The following TSHZ3 variants were observed in gnomAD, a reference collection of about 807,000 sequenced individuals.
TSHZ3 encodes the protein teashirt zinc finger homeobox 3, also known as teashirt homolog 3.
TSHZ3 carries 10 observed loss-of-function variants against 64.5 expected under a neutral mutation model. The ratio of observed to expected loss-of-function variants is 0.16; its 90% CI spans 0.10 to 0.26. The LOEUF is 0.26. Ranked by LOEUF, TSHZ3 falls within the 10% of genes least tolerant of loss-of-function variation. TSHZ3 has a pLI of 1.00. For missense variants in TSHZ3, 1,242 were observed against 1,421.7 expected, an observed-to-expected ratio of 0.87 and a Z score of 2.03; for synonymous variants, 608 against 593.1, an observed-to-expected ratio of 1.03 and a Z score of -0.36.
At chr19:31,154,423 G>A (rs1018468776) in intron 6 of TSHZ3, among the ~76,000 whole-genome samples, 3 of 152,114 alleles carry the variant, frequency 2.0e-5, no homozygotes, top group Non-Finnish European at 4.4e-5. Context: ...TCCAAGCCAG[G>A]ACATCTGTCC....
chr19:31,235,492 C>G (rs1344764101), intron 3 of TSHZ3, among the ~76,000 whole-genome samples: 4 of 152,014 alleles, frequency 2.6e-5, no homozygotes, highest in African/African-American at 9.7e-5. Context: ...ATAATGTGCT[C>G]CAGGTTCATC....
intron 1 of TSHZ3, among the ~76,000 whole-genome samples, chr19:31,303,147 C>T (rs1188203918): frequency 1.3e-5 from 2 of 152,266 alleles, no homozygotes; most frequent in East Asian, 3.9e-4. Flanking sequence ...ATATACTGGG[C>T]AAAGGTGGCC....
chr19:31,268,296 G>C (rs1041543583), intron 1 of TSHZ3, among the ~76,000 whole-genome samples: 1 of 152,042 alleles, frequency 6.6e-6, no homozygotes, highest in Non-Finnish European at 1.5e-5. Context: ...TTCTCCCTGG[G>C]ACCACCCACT....
rs560994913 is a variant in TSHZ3 at position 31,281,883 on chromosome 19, A to G, written c.41-2131T>C. ...GAGGAAGAACAGCCGAGGTAGAATA[A>G]CCAAGTGTCCCAATTTGCCTGGAGC... On this transcript the variant is annotated intron_variant, in intron 1 of 1. Coordinates refer to ENST00000240587, the MANE Select transcript of TSHZ3 (RefSeq NM_020856.4). 4.6e-5 allele frequency among the ~76,000 whole-genome samples: 7 copies of G among 152,342 alleles called. No homozygotes were observed. In the South Asian group the frequency reaches 1.5e-3, roughly 32 times the overall value.
intron 1 of TSHZ3, among the ~76,000 whole-genome samples, chr19:31,339,543 C>A (rs542923238): frequency 1.3e-5 from 2 of 152,178 alleles, no homozygotes; most frequent in African/African-American, 2.4e-5. Flanking sequence ...CCTCCCCTCC[C>A]CGTAGTCTGG....
Position 31,276,811 on chromosome 19 carries a change from G to A in TSHZ3, c.2982C>T (p.His994=), listed in dbSNP as rs61744745. 5.7e-3 allele frequency: 9,259 copies of A among 1,614,194 alleles called. 459 individuals are homozygous for A. In the African/African-American group the frequency reaches 0.11, roughly 19 times the overall value. Residue 994 remains histidine (H), a synonymous_variant, in exon 2 of 2, where the codon CAC becomes CAT. Coordinates refer to ENST00000240587, the MANE Select transcript of TSHZ3 (RefSeq NM_020856.4). ...QIRTPSTYIS[H]LESHLGFRLR... Reference sequence around the variant, plus strand: ...GCCGGAAGCCTAAGTGTGACTCTAGGTGACTGATGTACGTGGAAGGAGTCC... The same window carrying A: ...GCCGGAAGCCTAAGTGTGACTCTAGATGACTGATGTACGTGGAAGGAGTCC...
rs138822730 is a variant in TSHZ3, at chr19:31,178,414, G to A, written n.810-21997C>T. On this transcript the variant is annotated intron_variant and non_coding_transcript_variant, in intron 5 of 6. Transcript: ENST00000651361. ...TGGCATAAAGAAGGTGCTATCGGTT[G>A]GGCATGGTGGTTCATGCCTGTAAGG... Among the ~76,000 whole-genome samples, 487 of 152,332 alleles carry A rather than the reference G, an allele frequency of 3.2e-3. 3 individuals carry two copies. The highest frequency in any genetic ancestry group is 0.011 in the African/African-American group (465 of 41,594).
chr19:31,349,357 G>A lies in TSHZ3; in HGVS notation c.-138C>T, dbSNP rs2021628440. 8.4e-6 allele frequency: 6 copies of A among 711,640 alleles called. No homozygotes were observed. The highest frequency in any genetic ancestry group is 4.4e-4 in the Middle Eastern group (1 of 2,266). The allele number at this position is 711,640 out of a possible 1,614,324, so 44.1% of individuals were successfully genotyped here. ...CCCCCCCGGAGAGCGGCCGCCCGCA[G>A]GATGCTGCTGCGCCCAGGCTCTCCG... On this transcript the variant is annotated 5_prime_UTR_variant, in exon 1 of 2. Coordinates refer to ENST00000240587, the MANE Select transcript of TSHZ3 (RefSeq NM_020856.4).
chr19:31,171,943 G>C (rs543812878), intron 5 of TSHZ3, among the ~76,000 whole-genome samples: 21 of 152,256 alleles, frequency 1.4e-4, no homozygotes, highest in African/African-American at 5.1e-4. Context: ...AACCATGCAA[G>C]CCTCTCCTCA....
At chr19:31,229,220 G>T (rs532006187) in intron 3 of TSHZ3, among the ~76,000 whole-genome samples, 2 of 152,234 alleles carry the variant, frequency 1.3e-5, no homozygotes, top group African/African-American at 4.8e-5. Flanking sequence ...TCTAAATGTT[G>T]TCTGGAAGAA....
At chr19:31,172,705 T>C (rs997771237) in intron 5 of TSHZ3, among the ~76,000 whole-genome samples, 1 of 152,228 alleles carries the variant, frequency 6.6e-6, no homozygotes, top group African/African-American at 2.4e-5. Flanking sequence ...CAAAGTAAAG[T>C]GGTCAGAAGA....
intron 5 of TSHZ3, among the ~76,000 whole-genome samples, chr19:31,204,175 G>A (rs568824356): frequency 9.2e-5 from 14 of 151,850 alleles, no homozygotes; most frequent in Non-Finnish European, 2.1e-4. Context: ...AATTTGAGAT[G>A]AGATTTGGGT....
chr19:31,270,265 C>T (rs181643041), downstream of TSHZ3, among the ~76,000 whole-genome samples: 21 of 152,332 alleles, frequency 1.4e-4, no homozygotes, highest in Admixed American at 1.2e-3. Context: ...AACACACTTA[C>T]ATCACTGAGA....
chr19:31,243,922 G>A (rs1975728187), intron 1 of TSHZ3, among the ~76,000 whole-genome samples: 1 of 152,198 alleles, frequency 6.6e-6, no homozygotes, highest in African/African-American at 2.4e-5. Flanking sequence ...TACCCTGAGG[G>A]TGGTTATCAG....
At chr19:31,281,534 G>A (rs1257151845) in intron 1 of TSHZ3, among the ~76,000 whole-genome samples, 1 of 152,182 alleles carries the variant, frequency 6.6e-6, no homozygotes, top group Non-Finnish European at 1.5e-5. Flanking sequence ...GACCAGAAGA[G>A]AGTGCCCTGC....
At chr19:31,233,008 G>C (rs970424606) in intron 3 of TSHZ3, among the ~76,000 whole-genome samples, 1 of 152,122 alleles carries the variant, frequency 6.6e-6, no homozygotes, top group Non-Finnish European at 1.5e-5. Flanking sequence ...AAACTATTAT[G>C]AATAAAGCTG....
chr19:31,335,878 G>A (rs543645983), intron 1 of TSHZ3, among the ~76,000 whole-genome samples: 3 of 152,226 alleles, frequency 2.0e-5, no homozygotes, highest in Non-Finnish European at 4.4e-5. Context: ...ACCATGAGGT[G>A]CAGCCACCTG....
intron 5 of TSHZ3, among the ~76,000 whole-genome samples, chr19:31,182,803 A>C (rs951793731): frequency 2.6e-5 from 4 of 152,224 alleles, no homozygotes; most frequent in African/African-American, 9.6e-5. Flanking sequence ...AAGTAAAGTG[A>C]GACTCATGGG....
chr19:31,247,344 G>A (rs573505585), intron 1 of TSHZ3, among the ~76,000 whole-genome samples: 1 of 152,110 alleles, frequency 6.6e-6, no homozygotes, highest in African/African-American at 2.4e-5. Context: ...CTAATCATGG[G>A]ACAAAGCTAC....
Sources: gnomAD v4.1 joint callset for allele counts (sites outside exome capture counted in the v4.1 genomes callset) on GRCh38, gnomAD v4.1.1 for gene constraint, MANE v1.5 for transcripts, NCBI Gene and HGNC (gene_info 2026-07-23, HGNC 2026-07-21) for gene names.